The following VSTM5 variants were observed in gnomAD, a reference collection of about 807,000 sequenced individuals.
The protein encoded by VSTM5 is V-set and transmembrane domain-containing protein 5.
In VSTM5, 21 loss-of-function variants were observed where a neutral mutation model predicts 20.3. The ratio of observed to expected loss-of-function variants is 1.03; its 90% CI spans 0.73 to 1.49. The LOEUF is 1.49. Among genes scored for constraint, VSTM5 ranks in the 40% most tolerant of loss-of-function variants. VSTM5 has a pLI of 0.00. For synonymous variants in VSTM5, 100 were observed against 102.5 expected (o/e 0.98, Z 0.14); for missense variants, 219 against 250.0 (o/e 0.88, Z 0.84).
chr11:93,837,650 C>A (rs1017910035), intron 1 of VSTM5, among the ~76,000 whole-genome samples: 1 of 152,014 alleles, frequency 6.6e-6, no homozygotes. Context: ...CCTCACAGAT[C>A]GGATATGTTA....
At chr11:93,830,752 G>T (rs1378675567) in intron 1 of VSTM5, among the ~76,000 whole-genome samples, 2 of 149,392 alleles carry the variant, frequency 1.3e-5, no homozygotes, top group Non-Finnish European at 1.5e-5. Context: ...TTGTTTTTCG[G>T]TTGGTTCTTT....
chr11:93,842,529 C>T (rs1343220911), intron 1 of VSTM5, among the ~76,000 whole-genome samples: 2 of 152,232 alleles, frequency 1.3e-5, no homozygotes, highest in South Asian at 2.1e-4. Flanking sequence ...TGATCAGATG[C>T]CAAGGAAGCA....
In VSTM5 at chr11:93,820,972, T is replaced by A. The variant is rs1321771997; in HGVS notation, c.418+25A>T. 3.2e-6 allele frequency: 5 copies of A among 1,550,620 alleles called. No homozygotes were observed. In the African/African-American group the frequency reaches 5.5e-5, roughly 17 times the overall value. ...CCCACACATTCACAGTTCAGAGGGG[T>A]GCCCGGGGCCCTGGGATGTCTTACC... On this transcript the variant is annotated intron_variant, in intron 2 of 3. Transcript: ENST00000409977.
chr11:93,820,693 C>T (rs1476262981), intron 3 of VSTM5, 50 bp downstream of exon 3: 1 of 1,551,570 alleles, frequency 6.4e-7, no homozygotes, highest in South Asian at 1.2e-5. Flanking sequence ...ACACATGCCA[C>T]CTCTGGCCTC....
rs1249455247 is a variant in VSTM5, at chr11:93,818,270, T to A, written c.*2299A>T. 6.6e-6 allele frequency: 1 copy of A among 151,664 alleles called. No homozygotes were observed. Among genetic ancestry groups the A allele is most frequent in the Non-Finnish European group, 1.5e-5 (1 of 67,882 alleles). The allele number at this position is 151,664 out of a possible 1,614,324, so 9.4% of individuals were successfully genotyped here. A position where few individuals can be genotyped will look rare whatever the true frequency, so the allele number is the denominator to read the frequency against. ...TTTATTTCATTCATTCTTTAAAACT[T>A]TTTTTTTTCACAGTTTGAAATATAA... On this transcript the variant is annotated 3_prime_UTR_variant, in exon 4 of 4. Coordinates refer to ENST00000409977, the MANE Select transcript of VSTM5 (RefSeq NM_001144871.2).
Position 93,850,511 on chromosome 11 carries a change from C to A in VSTM5, c.-9G>T. 2 of 1,547,242 alleles carry A rather than the reference C, an allele frequency of 1.3e-6. No individual in the cohort carries two copies. Among genetic ancestry groups the A allele is most frequent in the Non-Finnish European group, 1.7e-6 (2 of 1,145,308 alleles). ...CTGGGCAGAGGCCTCATGGGCGAGC[C>A]CGGGGCCTCGCGGGCCGGGGTGTGT... is the stretch of plus-strand genomic sequence containing the variant. On this transcript the variant is annotated 5_prime_UTR_variant, in exon 1 of 4. Transcript: ENST00000409977.
chr11:93,834,575 G>A (rs1357205004), intron 1 of VSTM5, among the ~76,000 whole-genome samples: 4 of 137,830 alleles, frequency 2.9e-5, no homozygotes, highest in African/African-American at 5.5e-5. Context: ...CCAGGAATTC[G>A]AGACTAACTT....
chr11:93,841,090 C>T (rs1165280865), intron 1 of VSTM5, among the ~76,000 whole-genome samples: 1 of 151,722 alleles, frequency 6.6e-6, no homozygotes, highest in African/African-American at 2.4e-5. Context: ...TACACCTCTC[C>T]CCCTCTTCCA....
chr11:93,833,986 C>T (rs1944303112), intron 1 of VSTM5, among the ~76,000 whole-genome samples: 1 of 152,098 alleles, frequency 6.6e-6, no homozygotes, highest in Admixed American at 6.5e-5. Flanking sequence ...CCTCACTTCC[C>T]TCCCTACCCA....
intron 1 of VSTM5, among the ~76,000 whole-genome samples, chr11:93,843,311 C>A (rs1304808039): frequency 2.6e-5 from 4 of 152,054 alleles, no homozygotes; most frequent in Non-Finnish European, 5.9e-5. Flanking sequence ...CACACTTATC[C>A]CTCTCTGTTG....
chr11:93,825,729 G>GT (rs954154470), intron 1 of VSTM5, among the ~76,000 whole-genome samples: 43 of 146,722 alleles, frequency 2.9e-4, no homozygotes, highest in Middle Eastern at 3.4e-3. Context: ...AATGGGACAG[G>GT]TTTTTTTTTT....
At chr11:93,836,882 A>G (rs116203699) in intron 1 of VSTM5, among the ~76,000 whole-genome samples, 2,951 of 152,088 alleles carry the variant, frequency 0.019, 96 homozygotes, top group African/African-American at 0.066. Flanking sequence ...TCTGATCTGG[A>G]GGTATGGGGT....
chr11:93,826,760 T>C (rs929041832), intron 1 of VSTM5, among the ~76,000 whole-genome samples: 1 of 152,202 alleles, frequency 6.6e-6, no homozygotes, highest in East Asian at 1.9e-4. Context: ...AAACTGCTTT[T>C]GCTGCACCCT....
At chr11:93,848,802 A>G (rs1944434375) in intron 1 of VSTM5, among the ~76,000 whole-genome samples, 1 of 152,206 alleles carries the variant, frequency 6.6e-6, no homozygotes, top group Non-Finnish European at 1.5e-5. Context: ...GAGTGAGTGA[A>G]TGAATGAATT....
intron 1 of VSTM5, chr11:93,827,831 C>T (rs995213383): frequency 6.7e-6 from 1 of 149,742 alleles, no homozygotes; most frequent in Non-Finnish European, 1.5e-5. Context: ...AAAAAATAAA[C>T]ATGTAAAACA....
intron 1 of VSTM5, among the ~76,000 whole-genome samples, chr11:93,848,664 G>T (rs183787124): frequency 1.5e-4 from 23 of 152,316 alleles, no homozygotes; most frequent in Admixed American, 4.6e-4. Flanking sequence ...GCCATTGCAA[G>T]GCTGCCCCTC....
chr11:93,829,893 C>T (rs1022295911), intron 1 of VSTM5, among the ~76,000 whole-genome samples: 2 of 152,184 alleles, frequency 1.3e-5, no homozygotes, highest in African/African-American at 4.8e-5. Context: ...GATTCAAAAC[C>T]GAGTACTTTT....
rs1944450488 is a variant in VSTM5, at chr11:93,850,483, C to T, written c.20G>A (p.Gly7Glu). The T allele has an allele frequency of 1.3e-6, 2 of 1,549,758 alleles. No individual in the cohort carries two copies. The highest frequency in any genetic ancestry group is 1.4e-5 in the African/African-American group (1 of 73,028). Reference protein sequence around the residue: MRPLPSGRRKTRGISLG... With the variant: MRPLPSERRKTRGISLG... ...GGAGATGCCTCGGGTCTTCCTCCTC[C>T]CGCTGGGCAGAGGCCTCATGGGCGA... The change falls in exon 1 of 4, where the codon GGG becomes GAG. Residue 7 changes from glycine to glutamate, a missense_variant. Physicochemically the swap from Gly to Glu is moderately conservative, Grantham distance 98. Transcript: ENST00000409977.
At chr11:93,827,065 T>C (rs1321208804) in intron 1 of VSTM5, among the ~76,000 whole-genome samples, 1 of 152,160 alleles carries the variant, frequency 6.6e-6, no homozygotes, top group Non-Finnish European at 1.5e-5. Context: ...CTTCCATCAA[T>C]CTATCACATA....
Sources: allele counts gnomAD v4.1 joint callset (sites outside exome capture counted in the v4.1 genomes callset), GRCh38; gene constraint gnomAD v4.1.1; transcripts MANE v1.5; gene names NCBI Gene and HGNC (gene_info 2026-07-23, HGNC 2026-07-21).